Variants in TUBGCP4 observed in about 807,000 individuals in gnomAD.
The protein encoded by TUBGCP4 is gamma-tubulin complex component 4.
TUBGCP4 carries 54 observed loss-of-function variants against 91.6 expected under a neutral mutation model. The ratio of observed to expected loss-of-function variants is 0.59; its 90% CI spans 0.47 to 0.74. The LOEUF is 0.74. Among genes scored for constraint, TUBGCP4 ranks in the 30% least tolerant of loss-of-function variants. TUBGCP4 has a pLI of 0.00. For missense variants in TUBGCP4, 593 were observed against 800.9 expected (o/e 0.74, Z 3.13); for synonymous variants, 297 against 302.8 (o/e 0.98, Z 0.20).
intron 7 of TUBGCP4, among the ~76,000 whole-genome samples, chr15:43,383,753 A>AG (rs2044318239): frequency 6.6e-6 from 1 of 151,834 alleles, no homozygotes; most frequent in Admixed American, 6.6e-5. Context: ...TTATGTAGCT[A>AG]CTCTAATGGA....
rs769677705 is a variant in TUBGCP4, at chr15:43,405,189, T to C, written c.1989-13T>C. The C allele has an allele frequency of 9.3e-6, 15 of 1,614,168 alleles. No individual in the cohort carries two copies. In the Admixed American group the frequency reaches 2.5e-4, roughly 27 times the overall value. On this transcript the variant is annotated splice_polypyrimidine_tract_variant and intron_variant, in intron 17 of 17. Coordinates refer to ENST00000564079, the MANE Select transcript of TUBGCP4 (RefSeq NM_014444.5). The stretch of plus-strand genomic sequence containing the variant: ...AGCATGACACTTAATAAGGCTCTTT[T>C]TCTCTTTTGTAGTTTCGGGATGTGA...
chr15:43,387,833 G>A (rs140646549), intron 9 of TUBGCP4, among the ~76,000 whole-genome samples: 3,224 of 152,154 alleles, frequency 0.021, 53 homozygotes, highest in Middle Eastern at 0.075. Context: ...CATAGGTCAG[G>A]AGAGGGTAGG....
chr15:43,376,392 G>C lies in TUBGCP4; in HGVS notation c.208-111G>C. 1.9e-6 allele frequency: 3 copies of C among 1,603,002 alleles called. No individual in the cohort carries two copies. The South Asian group carries it at 3.3e-5, about 18-fold the overall frequency. On this transcript the variant is annotated intron_variant, in intron 2 of 17. Coordinates refer to ENST00000564079, the MANE Select transcript of TUBGCP4 (RefSeq NM_014444.5). ...ACTAGAAATATTCAAGTGAAGGCAA[G>C]GCCTCTAATTGGTTTGTTTGTATAA... is the stretch of plus-strand genomic sequence containing the variant.
intron 6 of TUBGCP4, among the ~76,000 whole-genome samples, chr15:43,380,624 G>A (rs1393239546): frequency 6.6e-6 from 1 of 152,130 alleles, no homozygotes; most frequent in Non-Finnish European, 1.5e-5. Context: ...GCACAAACGT[G>A]TTCATTGCAA....
chr15:43,400,072 A>G lies in TUBGCP4; in HGVS notation c.1447A>G (p.Ser483Gly). 6.2e-7 allele frequency: 1 copy of G among 1,613,424 alleles called. No homozygotes were observed. The highest frequency in any genetic ancestry group is 1.1e-5 in the South Asian group (1 of 91,048). Residue 483 changes from serine (S) to glycine (G), a missense_variant, in exon 14 of 18, where the codon AGT (serine) becomes GGT (glycine). Ser to Gly is a moderately conservative substitution (Grantham distance 56). Coordinates refer to ENST00000564079, the MANE Select transcript of TUBGCP4 (RefSeq NM_014444.5). Reference protein sequence around the residue: ...KYNVVFKYLLSVRRVQAELQH... With the variant: ...KYNVVFKYLLGVRRVQAELQH... ...CAATGTTGTTTTTAAGTACTTACTG[A>G]GTGTGCGCCGGGTGCAAGCTGAGCT...
chr15:43,371,171 G>A lies in TUBGCP4; in HGVS notation c.-184G>A, dbSNP rs922329023. ...GCTGCCGAACTTCCGGGACTCCCCC[G>A]CGACCCCTTCCCAGCTTCCCGTCCG... On this transcript the variant is annotated 5_prime_UTR_variant, in exon 1 of 18. Coordinates refer to ENST00000564079, the MANE Select transcript of TUBGCP4 (RefSeq NM_014444.5). 3.1e-6 allele frequency: 2 copies of A among 641,592 alleles called. No individual in the cohort carries two copies. The highest frequency in any genetic ancestry group is 5.5e-6 in the Non-Finnish European group (2 of 364,366). The allele number at this position is 641,592 out of a possible 1,614,324, so 39.7% of individuals were successfully genotyped here.
At position 43,380,146 on chromosome 15, in the gene TUBGCP4, T is replaced by A. The variant is rs767436865; in HGVS notation, c.504T>A (p.Val168=). The change falls in exon 6 of 18, where the codon GTT becomes GTA. Residue 168 remains valine (V), a synonymous_variant. Coordinates refer to ENST00000564079, the MANE Select transcript of TUBGCP4 (RefSeq NM_014444.5). ...YKHSCGGLPP[V]RSALEKILAV... ...ACAGCTGTGGGGGGTTGCCTCCTGT[T>A]CGAAGTGCACTGGAAAAGTAAGTCA... is the stretch of plus-strand genomic sequence containing the variant. 10 of 1,613,994 alleles carry A rather than the reference T, an allele frequency of 6.2e-6. No homozygotes were observed. The highest frequency in any genetic ancestry group is 7.6e-6 in the Non-Finnish European group (9 of 1,179,944).
chr15:43,408,751 C>T lies in TUBGCP4; in HGVS notation c.*3537C>T. ...AACCTAGGGAAATAAACTAGATAAA[C>T]TCCTGAAGTCATTTCAAACCCACTC... On this transcript the variant is annotated 3_prime_UTR_variant, in exon 18 of 18. Coordinates refer to ENST00000564079, the MANE Select transcript of TUBGCP4 (RefSeq NM_014444.5). The T allele has an allele frequency of 2.7e-6, 2 of 751,552 alleles. No individual in the cohort carries two copies. The highest frequency in any genetic ancestry group is 3.6e-5 in the South Asian group (2 of 55,082). 46.6% of individuals were successfully genotyped at this position (751,552 alleles called of 1,614,324 possible).
Position 43,407,303 on chromosome 15 carries a change from AC to A in TUBGCP4, c.*2090del. 2.4e-6 allele frequency: 3 copies of A among 1,229,552 alleles called. No homozygotes were observed. The highest frequency in any genetic ancestry group is 3.5e-6 in the Non-Finnish European group (3 of 854,654). The allele number at this position is 1,229,552 out of a possible 1,614,324, so 76.2% of individuals were successfully genotyped here. ...CAAGATCCATGCAAGGAATCCAGTTACACACAAGACACATTTAAAACCTGGT... is the reference window on the plus strand; with the variant it reads ...CAAGATCCATGCAAGGAATCCAGTTAACACAAGACACATTTAAAACCTGGT... On this transcript the variant is annotated 3_prime_UTR_variant, in exon 18 of 18. Transcript: ENST00000564079.
At chr15:43,390,666 G>A (rs1003827109) in intron 9 of TUBGCP4, among the ~76,000 whole-genome samples, 1 of 151,602 alleles carries the variant, frequency 6.6e-6, no homozygotes, top group Non-Finnish European at 1.5e-5. Flanking sequence ...GCACCACAAC[G>A]CCCAGCTAAT....
At chr15:43,387,766 T>G (rs1566895259) in intron 9 of TUBGCP4, among the ~76,000 whole-genome samples, 1 of 151,560 alleles carries the variant, frequency 6.6e-6, no homozygotes, top group Non-Finnish European at 1.5e-5. Context: ...CTGGCCCGCA[T>G]GAGGAAATTT....
chr15:43,379,064 A>T (rs1483778606), intron 5 of TUBGCP4, among the ~76,000 whole-genome samples: 1 of 152,182 alleles, frequency 6.6e-6, no homozygotes, highest in East Asian at 1.9e-4. Flanking sequence ...AAATAGGGGG[A>T]TTGCAGATGG....
At chr15:43,405,105 G>A in intron 17 of TUBGCP4, 97 bp from the exon 18 acceptor site, 1 of 1,393,748 alleles carries the variant, frequency 7.2e-7, no homozygotes, top group Non-Finnish European at 1.0e-6. Context: ...GTTTTAAGAT[G>A]ACATTATTTA....
At chr15:43,393,957 T>C (rs1023050988) in intron 9 of TUBGCP4, 1 of 152,226 alleles carries the variant, frequency 6.6e-6, no homozygotes, top group African/African-American at 2.4e-5. Flanking sequence ...TGAACATTTT[T>C]TCATGTGCCT....
At chr15:43,371,570 G>C in intron 1 of TUBGCP4, 138 bp downstream of exon 1, 1 of 848,884 alleles carries the variant, frequency 1.2e-6, no homozygotes, top group East Asian at 2.6e-5. Flanking sequence ...GTGACTGGAG[G>C]GCAGCCCCTT....
At chr15:43,382,966 G>A (rs926539334) in intron 6 of TUBGCP4, among the ~76,000 whole-genome samples, 24 of 152,012 alleles carry the variant, frequency 1.6e-4, no homozygotes, top group Non-Finnish European at 2.2e-4. Context: ...CCATTAAGTC[G>A]ATTTTTAAAA....
At chr15:43,384,167 T>C (rs955339111) in intron 7 of TUBGCP4, among the ~76,000 whole-genome samples, 1 of 152,202 alleles carries the variant, frequency 6.6e-6, no homozygotes, top group Admixed American at 6.5e-5. Flanking sequence ...ATTCATCCAT[T>C]CATCCATCCA....
At position 43,407,907 on chromosome 15, in the gene TUBGCP4, C is replaced by G; in HGVS notation, c.*2693C>G. On this transcript the variant is annotated 3_prime_UTR_variant, in exon 18 of 18. Transcript: ENST00000564079. ...AACACCTACAGGTCTAAGGAGATCC[C>G]TGGAACAAAGACACTACACACACTC... 6.3e-7 allele frequency: 1 copy of G among 1,593,054 alleles called. No individual in the cohort carries two copies. The highest frequency in any genetic ancestry group is 8.5e-7 in the Non-Finnish European group (1 of 1,173,080).
intron 1 of TUBGCP4, among the ~76,000 whole-genome samples, chr15:43,374,995 C>T (rs748827328): frequency 5.3e-5 from 8 of 152,200 alleles, no homozygotes; most frequent in Admixed American, 2.6e-4. Context: ...CGCCGCCTCC[C>T]GGGTTTAAGC....
Sources: allele counts gnomAD v4.1 joint callset (sites outside exome capture counted in the v4.1 genomes callset), GRCh38; gene constraint gnomAD v4.1.1; transcripts MANE v1.5; gene names NCBI Gene and HGNC (gene_info 2026-07-23, HGNC 2026-07-21).